Variants in FOXN3 observed in about 807,000 individuals in gnomAD.
FOXN3 encodes the protein forkhead box N3, also known as forkhead box protein N3.
FOXN3 carries 7 observed loss-of-function variants against 38.4 expected under a neutral mutation model. The ratio of observed to expected loss-of-function variants is 0.18; its 90% CI spans 0.10 to 0.34. FOXN3 has a LOEUF of 0.34. Ranked by LOEUF, FOXN3 falls within the 10% of genes least tolerant of loss-of-function variation. FOXN3 has a pLI of 1.00. For missense variants in FOXN3, 456 were observed against 613.4 expected (o/e 0.74, Z 2.71); for synonymous variants, 230 against 242.2 (o/e 0.95, Z 0.47).
intron 1 of FOXN3, among the ~76,000 whole-genome samples, chr14:89,443,144 A>T (rs886479401): frequency 3.3e-5 from 5 of 152,352 alleles, no homozygotes; most frequent in African/African-American, 9.6e-5. Context: ...CTTCCATTTC[A>T]TTCATAAAAC....
intron 1 of FOXN3, among the ~76,000 whole-genome samples, chr14:89,438,951 G>A (rs1892324017): frequency 6.6e-6 from 1 of 152,030 alleles, no homozygotes; most frequent in South Asian, 2.1e-4. Flanking sequence ...GTAGGACAGA[G>A]TTTCTCCATG....
chr14:89,456,818 G>C (rs1218600192), intron 1 of FOXN3, among the ~76,000 whole-genome samples: 1 of 152,174 alleles, frequency 6.6e-6, no homozygotes, highest in African/African-American at 2.4e-5. Flanking sequence ...GAGCTGAGAA[G>C]CCAGTCAGAG....
At position 89,486,687 on chromosome 14, in the gene FOXN3, A is replaced by C. The variant is rs377737661; in HGVS notation, c.-14-74197T>G. On this transcript the variant is annotated intron_variant, in intron 1 of 6. Transcript: ENST00000345097. ...CTAGAGGCTGCTGGAGAGGAGCAGT[A>C]GGAAGTCAGAATTAAGCAGAAGCAG... 3.9e-5 allele frequency: 6 copies of C among 152,312 alleles called. No individual in the cohort carries two copies. The South Asian group carries it at 1.2e-3, about 32-fold the overall frequency. 9.4% of individuals were successfully genotyped at this position (152,312 alleles called of 1,614,324 possible). A position where few individuals can be genotyped will look rare whatever the true frequency, so the allele number is the denominator to read the frequency against.
chr14:89,511,174 TTTC>T lies in FOXN3; in HGVS notation c.-14-98687_-14-98685del, dbSNP rs1271795187. 4.2e-3 allele frequency among the ~76,000 whole-genome samples: 168 copies of T among 39,764 alleles called. 22 individuals are homozygous for T. The highest frequency in any genetic ancestry group is 0.011 in the African/African-American group (165 of 14,596). The allele number at this position is 39,764 out of a possible 152,430, so 26.1% of individuals were successfully genotyped here. ...CTTTCTTTCTTTCTTTCTTTCTTTC[TTTC>T]TTTCTTTCTTTCTTTTCTTTCTTTC... On this transcript the variant is annotated intron_variant, in intron 1 of 6. Transcript: ENST00000345097.
rs114360241 is a variant in FOXN3, at chr14:89,163,203, T to C, written c.852-234A>G. On this transcript the variant is annotated intron_variant, in intron 5 of 5. Coordinates refer to ENST00000557258, the MANE Select transcript of FOXN3 (RefSeq NM_005197.4). This position sits in a 1 kb window ranked among gnomAD's most constrained non-coding sequence, Gnocchi z 4.3. ...TCCTATAATGGCAGTTTCACTCCATTTGTGTGGCTGAGACGTCAAAACAAC... is the reference window on the plus strand; with the variant it reads ...TCCTATAATGGCAGTTTCACTCCATCTGTGTGGCTGAGACGTCAAAACAAC... Among the ~76,000 whole-genome samples the C allele has an allele frequency of 0.011, 1,634 of 152,186 alleles. 23 individuals are homozygous for C. The highest frequency in any genetic ancestry group is 0.037 in the African/African-American group (1,546 of 41,508).
intron 1 of FOXN3, among the ~76,000 whole-genome samples, chr14:89,460,445 A>G (rs2139726633): frequency 6.6e-6 from 1 of 152,298 alleles, no homozygotes; most frequent in East Asian, 1.9e-4. Flanking sequence ...GCAAACACAG[A>G]CACTTAGCAG....
chr14:89,603,003 C>A (rs1343902932), intron 1 of FOXN3, among the ~76,000 whole-genome samples: 7 of 152,058 alleles, frequency 4.6e-5, no homozygotes, highest in Non-Finnish European at 7.4e-5. Flanking sequence ...CAGAGATGGA[C>A]CAGCTGTTCA....
chr14:89,377,171 GC>G (rs1457838999), intron 2 of FOXN3, among the ~76,000 whole-genome samples: 1 of 151,246 alleles, frequency 6.6e-6, no homozygotes, highest in African/African-American at 2.4e-5. Flanking sequence ...AAAACAACTG[GC>G]CTTGACTGTC....
intron 4 of FOXN3, among the ~76,000 whole-genome samples, chr14:89,262,037 G>C (rs930473584): frequency 1.3e-5 from 2 of 152,182 alleles, no homozygotes; most frequent in East Asian, 1.9e-4. Flanking sequence ...CCAGGAGGCA[G>C]AGGTTGCAGT....
chr14:89,290,588 A>G (rs1886839586), intron 3 of FOXN3: 1 of 556,312 alleles, frequency 1.8e-6, no homozygotes, highest in Non-Finnish European at 3.5e-6. Context: ...CTGAAATCAC[A>G]AGGTCATTCC....
At chr14:89,430,136 G>A (rs1892125301) in intron 1 of FOXN3, among the ~76,000 whole-genome samples, 1 of 152,218 alleles carries the variant, frequency 6.6e-6, no homozygotes, top group Non-Finnish European at 1.5e-5. Flanking sequence ...ACCTTAAAAT[G>A]AAGCCCAGGT....
At chr14:89,202,484 G>C (rs1888260262) in intron 4 of FOXN3, among the ~76,000 whole-genome samples, 2 of 152,146 alleles carry the variant, frequency 1.3e-5, no homozygotes, top group South Asian at 4.1e-4. Context: ...ATCTGGAAGG[G>C]GATTTGTAAT....
chr14:89,398,858 G>A (rs1758748107), intron 2 of FOXN3, among the ~76,000 whole-genome samples: 1 of 152,140 alleles, frequency 6.6e-6, no homozygotes, highest in African/African-American at 2.4e-5. Context: ...GGTGGCACAT[G>A]CCTGTAATCC....
chr14:89,271,177 G>A (rs138254089), intron 4 of FOXN3, among the ~76,000 whole-genome samples: 1 of 152,304 alleles, frequency 6.6e-6, no homozygotes, highest in African/African-American at 2.4e-5. Flanking sequence ...CAGTTTATAG[G>A]TGGATGATTT....
chr14:89,200,860 A>T (rs1325304447), intron 4 of FOXN3, among the ~76,000 whole-genome samples: 1 of 152,178 alleles, frequency 6.6e-6, no homozygotes, highest in Non-Finnish European at 1.5e-5. Flanking sequence ...TGACCAGTTG[A>T]TCAAAATCTT....
chr14:89,359,705 A>G (rs1408887878), intron 2 of FOXN3, among the ~76,000 whole-genome samples: 1 of 152,172 alleles, frequency 6.6e-6, no homozygotes, highest in Non-Finnish European at 1.5e-5. Flanking sequence ...GGCTTCCTAG[A>G]GAGGTCCTGC....
At chr14:89,478,020 T>C (rs1893247365) in intron 1 of FOXN3, among the ~76,000 whole-genome samples, 1 of 152,160 alleles carries the variant, frequency 6.6e-6, no homozygotes, top group South Asian at 2.1e-4. Flanking sequence ...CATGTTGAAA[T>C]GTAATCGCCA....
intron 2 of FOXN3, among the ~76,000 whole-genome samples, chr14:89,358,757 G>A (rs1408289721): frequency 2.6e-5 from 4 of 152,242 alleles, no homozygotes; most frequent in African/African-American, 9.6e-5. Context: ...TGGGGTCAGT[G>A]AGAAACACAT....
intron 1 of FOXN3, among the ~76,000 whole-genome samples, chr14:89,613,859 G>T (rs376312527): frequency 1.3e-5 from 2 of 152,116 alleles, no homozygotes; most frequent in Admixed American, 1.3e-4. Context: ...GTTCTACTGC[G>T]GTTTGCCTGA....
Sources: gnomAD v4.1 joint callset for allele counts (sites outside exome capture counted in the v4.1 genomes callset) on GRCh38, gnomAD v4.1.1 for gene constraint, Gnocchi (gnomAD v3.1) non-coding constraint, MANE v1.5 for transcripts, NCBI Gene and HGNC (gene_info 2026-07-23, HGNC 2026-07-21) for gene names.